Variants in USO1 observed in about 807,000 individuals in gnomAD.
USO1 encodes USO1 vesicle transport factor.
A neutral mutation model predicts 124.5 loss-of-function variants in USO1; 57 were observed. The observed-to-expected ratio is 0.46, with a 90% CI of 0.37 to 0.57. The LOEUF (loss-of-function observed/expected upper bound fraction) is 0.57. Ranked by LOEUF, USO1 falls within the 20% of genes least tolerant of loss-of-function variation. USO1 has a pLI of 0.00. For missense variants in USO1, 900 were observed against 1,040.6 expected (o/e 0.86, Z 1.86); for synonymous variants, 369 against 362.8 (o/e 1.02, Z -0.19).
At chr4:75,809,123 A>T (rs1560463805) in intron 21 of USO1, 72 bp downstream of exon 21, 3 of 1,487,182 alleles carry the variant, frequency 2.0e-6, no homozygotes, top group Non-Finnish European at 2.7e-6. Flanking sequence ...AGCCACAATT[A>T]AAAAGAAACA....
intron 4 of USO1, chr4:75,760,738 C>A (rs1721581703): frequency 1.5e-5 from 6 of 387,872 alleles, no homozygotes; most frequent in Admixed American, 4.5e-5. Context: ...TATAAGAATT[C>A]TTTAATTGAA....
intron 20 of USO1, 32 bp downstream of exon 20, chr4:75,806,604 G>C: frequency 6.5e-7 from 1 of 1,546,344 alleles, no homozygotes; most frequent in Non-Finnish European, 8.7e-7. Context: ...ATTCTACTTT[G>C]TCATGTTTTA....
chr4:75,771,883 T>G (rs1560448289), intron 7 of USO1, among the ~76,000 whole-genome samples: 1 of 152,244 alleles, frequency 6.6e-6, no homozygotes, highest in Non-Finnish European at 1.5e-5. Flanking sequence ...TTAGAAAAAT[T>G]AAATTCTGGA....
chr4:75,748,606 A>T (rs1721204274), intron 1 of USO1, among the ~76,000 whole-genome samples: 1 of 152,176 alleles, frequency 6.6e-6, no homozygotes, highest in East Asian at 1.9e-4. Context: ...ATTTTGAGAC[A>T]AGTAGCTCTA....
At chr4:75,735,989 A>G (rs191257321) in intron 1 of USO1, among the ~76,000 whole-genome samples, 6 of 152,238 alleles carry the variant, frequency 3.9e-5, no homozygotes, top group African/African-American at 9.6e-5. Context: ...ATTATGCCCA[A>G]TTTACCAGTT....
At position 75,812,228 on chromosome 4, in the gene USO1, C is replaced by T. The variant is rs755331532; in HGVS notation, c.2652C>T (p.Thr884=). The T allele has an allele frequency of 2.0e-5, 32 of 1,610,004 alleles. No homozygotes were observed. The highest frequency in any genetic ancestry group is 2.4e-5 in the Non-Finnish European group (28 of 1,178,198). The change falls in exon 23 of 24, where the codon ACC becomes ACT. Residue 884 remains threonine, a synonymous_variant. Coordinates refer to ENST00000514213, the MANE Select transcript of USO1 (RefSeq NM_003715.4). ...IKEQLDSSNS[T]IAILQTEKDK... is the part of the protein sequence containing the mutation. ...AGCAGCTGGATTCATCTAATAGTAC[C>T]ATTGCCATTTTACAAACTGAGAAAG...
At chr4:75,781,536 A>C (rs1336083092) in intron 8 of USO1, among the ~76,000 whole-genome samples, 1 of 152,204 alleles carries the variant, frequency 6.6e-6, no homozygotes. Flanking sequence ...AGTTATGTAC[A>C]TTCTTTGGAC....
chr4:75,804,217 A>G lies in USO1; in HGVS notation c.2070A>G (p.Gln690=). ...AGCTCCAGACGGCAGTCACACAGCA[A>G]GTATCACAGATCCAGCAGCACAAAG... is the stretch of plus-strand genomic sequence containing the variant. ...NEQLQTAVTQ[Q]VSQIQQHKDQ... is the part of the protein sequence containing the mutation. The change falls in exon 18 of 24, where the codon CAA becomes CAG. Residue 690 remains glutamine, a synonymous_variant. Coordinates refer to ENST00000514213, the MANE Select transcript of USO1 (RefSeq NM_003715.4). 6.2e-7 allele frequency: 1 copy of G among 1,613,758 alleles called. No homozygotes were observed. The highest frequency in any genetic ancestry group is 8.5e-7 in the Non-Finnish European group (1 of 1,179,764).
rs1231273625 is a variant in USO1, at chr4:75,804,278, C to T, written c.2125+6C>T. 2 of 1,607,934 alleles carry T rather than the reference C, an allele frequency of 1.2e-6. No homozygotes were observed. Among genetic ancestry groups the T allele is most frequent in the Admixed American group, 1.7e-5 (1 of 59,204 alleles). On this transcript the variant is annotated splice_donor_region_variant and intron_variant, in intron 18 of 23. Transcript: ENST00000514213. ...TCTTCTTAAAATACAGCTAGGTAAG[C>T]ATAGCTAAGCCATCACTATGATAGC...
chr4:75,805,286 T>TGAAA lies in USO1; in HGVS notation c.2272_2273insGAAA (p.Ser758Ter). On this transcript the variant is annotated stop_gained and frameshift_variant, in exon 19 of 24. Coordinates refer to ENST00000514213, the MANE Select transcript of USO1 (RefSeq NM_003715.4). LOFTEE classifies it high-confidence loss of function. ...ACAAAGCCAGCTGACTGAAAAGGAC[T>TGAAA]CTATGATTGAAAATATGGTAAAGTA... is the stretch of plus-strand genomic sequence containing the variant. 1 of 1,603,300 alleles carries TGAAA rather than the reference T, an allele frequency of 6.2e-7. No individual in the cohort carries two copies. The highest frequency in any genetic ancestry group is 8.5e-7 in the Non-Finnish European group (1 of 1,176,358).
chr4:75,813,003 C>G lies in USO1; in HGVS notation c.2800-203C>G, dbSNP rs559370391. ...TGGCAGGCACCTGTAATCCCAGCTA[C>G]TCGGGAGGCTGAGACAGGATAATCG... is the stretch of plus-strand genomic sequence containing the variant. On this transcript the variant is annotated intron_variant, in intron 23 of 23. Transcript: ENST00000514213. Among the ~76,000 whole-genome samples, 40 of 152,064 alleles carry G rather than the reference C, an allele frequency of 2.6e-4. No homozygotes were observed. In the East Asian group the frequency reaches 7.2e-3, roughly 27 times the overall value.
intron 8 of USO1, among the ~76,000 whole-genome samples, chr4:75,776,237 T>C (rs1376286206): frequency 2.0e-5 from 3 of 152,192 alleles, no homozygotes; most frequent in Non-Finnish European, 4.4e-5. Context: ...AGCTTCAACA[T>C]GCTGACTCTA....
Position 75,812,026 on chromosome 4 carries a change from C to T in USO1, c.2584-134C>T, listed in dbSNP as rs1244319413. 8 of 1,323,158 alleles carry T rather than the reference C, an allele frequency of 6.0e-6. No homozygotes were observed. In the East Asian group the frequency reaches 7.5e-5, roughly 12 times the overall value. The allele number at this position is 1,323,158 out of a possible 1,614,324, so 82.0% of individuals were successfully genotyped here. On this transcript the variant is annotated intron_variant, in intron 22 of 23. Transcript: ENST00000514213. ...TAGTGTGTGTGTTAAACCTCCTGTACCCTTAACCTCCACCCCTAAATTCCT... is the reference window on the plus strand; with the variant it reads ...TAGTGTGTGTGTTAAACCTCCTGTATCCTTAACCTCCACCCCTAAATTCCT...
At position 75,790,148 on chromosome 4, in the gene USO1, A is replaced by C; in HGVS notation, c.997-2A>C. 6.3e-7 allele frequency: 1 copy of C among 1,590,328 alleles called. No individual in the cohort carries two copies. Among genetic ancestry groups the C allele is most frequent in the Non-Finnish European group, 8.6e-7 (1 of 1,168,360 alleles). ...GTTCTTTTTCTTTCTTCCCCTTAAC[A>C]GACCATAAATACTGTATCAGAAGTT... On this transcript the variant is annotated splice_acceptor_variant, in intron 10 of 23. Coordinates refer to ENST00000514213, the MANE Select transcript of USO1 (RefSeq NM_003715.4). LOFTEE classifies it high-confidence loss of function.
chr4:75,798,639 A>T (rs1268102300), intron 13 of USO1, among the ~76,000 whole-genome samples: 4 of 152,196 alleles, frequency 2.6e-5, no homozygotes, highest in Non-Finnish European at 4.4e-5. Flanking sequence ...AAGAGTCAAG[A>T]TATTGGCATC....
chr4:75,797,198 A>T (rs1456152306), intron 13 of USO1, among the ~76,000 whole-genome samples: 1 of 152,016 alleles, frequency 6.6e-6, no homozygotes, highest in African/African-American at 2.4e-5. Context: ...TTTATAAGGA[A>T]TTATACTTCA....
Position 75,790,798 on chromosome 4 carries a change from G to A in USO1, c.1240+1G>A. 6.3e-7 allele frequency: 1 copy of A among 1,577,222 alleles called. No homozygotes were observed. The highest frequency in any genetic ancestry group is 1.4e-5 in the African/African-American group (1 of 73,360). ...ACACTTTTACCTTCTACCATTGATG[G>A]TAAATAATTTAGTTCTAATTTTTAT... On this transcript the variant is annotated splice_donor_variant, in intron 12 of 23. Transcript: ENST00000514213. LOFTEE classifies it high-confidence loss of function.
rs1721107792 is a variant in USO1, at chr4:75,745,801, GA to G, written c.67-6571del. ...TGTAATCCCAACTACTCAGGAGGCT[GA>G]GGTGAGAGAATCGCTTGAATCCAGG... On this transcript the variant is annotated intron_variant, in intron 1 of 23. Transcript: ENST00000514213. Among the ~76,000 whole-genome samples, 4 of 152,282 alleles carry G rather than the reference GA, an allele frequency of 2.6e-5. No individual in the cohort carries two copies. In the South Asian group the frequency reaches 8.3e-4, roughly 32 times the overall value.
chr4:75,792,355 G>A (rs1433837457), intron 12 of USO1, among the ~76,000 whole-genome samples: 1 of 152,158 alleles, frequency 6.6e-6, no homozygotes, highest in Non-Finnish European at 1.5e-5. Context: ...TGGCGAACAT[G>A]GTGAAAACCC....
Sources: gnomAD v4.1 joint callset for allele counts (sites outside exome capture counted in the v4.1 genomes callset) on GRCh38, gnomAD v4.1.1 for gene constraint, MANE v1.5 for transcripts, NCBI Gene and HGNC (gene_info 2026-07-23, HGNC 2026-07-21) for gene names.